The following LMNTD1 variants were observed in gnomAD, a reference collection of about 807,000 sequenced individuals.
LMNTD1 encodes the protein lamin tail domain containing 1, also known as lamin tail domain-containing protein 1.
A neutral mutation model predicts 50.9 loss-of-function variants in LMNTD1; 35 were observed. The observed-to-expected ratio is 0.69, with a 90% confidence interval of 0.53 to 0.91. The LOEUF is 0.91. LMNTD1 is among the 40% of genes least tolerant of loss of function. The pLI is 0.00. For synonymous variants in LMNTD1, 153 were observed against 161.9 expected (o/e 0.94, Z 0.42); for missense variants, 470 against 475.5 (o/e 0.99, Z 0.11).
At chr12:25,610,724 G>A (rs1946222301) in intron 1 of LMNTD1, among the ~76,000 whole-genome samples, 1 of 152,134 alleles carries the variant, frequency 6.6e-6, no homozygotes. Context: ...CATGGGGCTT[G>A]GCATCTCACT....
chr12:25,564,416 G>A (rs548403398), intron 1 of LMNTD1, among the ~76,000 whole-genome samples: 4 of 152,126 alleles, frequency 2.6e-5, no homozygotes, highest in East Asian at 1.9e-4. Flanking sequence ...CCACCACCAC[G>A]CCTGACTAAT....
At chr12:25,625,175 T>C (rs1341046742) in intron 1 of LMNTD1, among the ~76,000 whole-genome samples, 1 of 152,198 alleles carries the variant, frequency 6.6e-6, no homozygotes, top group Non-Finnish European at 1.5e-5. Flanking sequence ...AAAGTGACCA[T>C]GATGAACTTT....
intron 1 of LMNTD1, among the ~76,000 whole-genome samples, chr12:25,613,932 A>G (rs1946298037): frequency 6.6e-6 from 1 of 152,048 alleles, no homozygotes; most frequent in Non-Finnish European, 1.5e-5. Flanking sequence ...AGGGGCAACT[A>G]AGGGAGAAGA....
At chr12:25,565,866 T>C (rs747147867) in intron 1 of LMNTD1, among the ~76,000 whole-genome samples, 1 of 152,210 alleles carries the variant, frequency 6.6e-6, no homozygotes, top group Non-Finnish European at 1.5e-5. Context: ...TATACTATTC[T>C]AGTGTAAACG....
At chr12:25,539,262 A>G (rs1306691259) in intron 4 of LMNTD1, among the ~76,000 whole-genome samples, 1 of 150,984 alleles carries the variant, frequency 6.6e-6, no homozygotes, top group African/African-American at 2.4e-5. Flanking sequence ...CCAAATCAAC[A>G]GAATATACAT....
Position 25,614,132 on chromosome 12 carries a change from G to A in LMNTD1, c.58+34362C>T, listed in dbSNP as rs139177407. ...GGTTTATCAAGACAAGTCATCAGTC[G>A]CCAGTGGGAGTAGGGAGACTGACTG... On this transcript the variant is annotated intron_variant, in intron 1 of 7. Transcript: ENST00000445693. Among the ~76,000 whole-genome samples, 775 of 152,136 alleles carry A rather than the reference G, an allele frequency of 5.1e-3. 2 individuals are homozygous for A. The highest frequency in any genetic ancestry group is 6.9e-3 in the Non-Finnish European group (468 of 67,988).
At chr12:25,547,687 C>T (rs1943515209) in intron 3 of LMNTD1, among the ~76,000 whole-genome samples, 1 of 151,770 alleles carries the variant, frequency 6.6e-6, no homozygotes, top group East Asian at 1.9e-4. Context: ...CAAGTACTTC[C>T]TTAATCCTTA....
intron 1 of LMNTD1, among the ~76,000 whole-genome samples, chr12:25,627,739 A>G (rs1946622571): frequency 1.3e-5 from 2 of 152,206 alleles, no homozygotes; most frequent in East Asian, 3.8e-4. Context: ...ACTACATTTT[A>G]TTGCACATAT....
intron 1 of LMNTD1, among the ~76,000 whole-genome samples, chr12:25,621,183 C>T (rs556201562): frequency 5.9e-5 from 9 of 152,098 alleles, no homozygotes; most frequent in Non-Finnish European, 2.9e-5. Flanking sequence ...AACTAATAAC[C>T]GCATCTATTA....
intron 1 of LMNTD1, among the ~76,000 whole-genome samples, chr12:25,595,882 C>T (rs1945834123): frequency 6.6e-6 from 1 of 151,844 alleles, no homozygotes; most frequent in Non-Finnish European, 1.5e-5. Flanking sequence ...TCCAAATAAG[C>T]TCAATTAGAG....
intron 1 of LMNTD1, among the ~76,000 whole-genome samples, chr12:25,586,369 C>G (rs1309425227): frequency 6.6e-6 from 1 of 152,128 alleles, no homozygotes; most frequent in African/African-American, 2.4e-5. Context: ...TCCATTCTCA[C>G]CAACACTACC....
intron 9 of LMNTD1, among the ~76,000 whole-genome samples, chr12:25,480,703 TC>T (rs2135904095): frequency 6.6e-6 from 1 of 152,378 alleles, no homozygotes; most frequent in South Asian, 2.1e-4. Context: ...CAGCACCTTA[TC>T]TGCTTCTAAC....
intron 6 of LMNTD1, among the ~76,000 whole-genome samples, chr12:25,520,417 TTC>T (rs1298802446): frequency 3.3e-5 from 5 of 152,106 alleles, no homozygotes; most frequent in Admixed American, 6.5e-5. Flanking sequence ...ACCAGTTTTA[TTC>T]TCTTTCTCTG....
At chr12:25,553,540 TTTC>T (rs574725718), upstream of LMNTD1, among the ~76,000 whole-genome samples, 12 of 151,860 alleles carry the variant, frequency 7.9e-5, no homozygotes, top group South Asian at 2.5e-3. Context: ...TCACAACTCT[TTTC>T]TTCTTTTTTT....
chr12:25,561,255 T>C lies in LMNTD1; in HGVS notation c.59-14701A>G, dbSNP rs189035552. ...ATGTTAGGGTGTCAATTTTAGGTCT[T>C]TCCTGCTTTCTCTTGTGGGCATTTA... On this transcript the variant is annotated intron_variant, in intron 1 of 7. Coordinates refer to the LMNTD1 transcript ENST00000445693. Among the ~76,000 whole-genome samples, 295 of 152,376 alleles carry C rather than the reference T, an allele frequency of 1.9e-3. 1 individual carries two copies. Among genetic ancestry groups the C allele is most frequent in the African/African-American group, 6.9e-3 (289 of 41,590 alleles).
chr12:25,548,320 C>G (rs1943556650), intron 3 of LMNTD1, among the ~76,000 whole-genome samples: 1 of 151,732 alleles, frequency 6.6e-6, no homozygotes, highest in Non-Finnish European at 1.5e-5. Context: ...TGTAAATGGG[C>G]ACAGAATGTT....
At chr12:25,571,780 G>A (rs1038825067) in intron 1 of LMNTD1, among the ~76,000 whole-genome samples, 6 of 151,966 alleles carry the variant, frequency 3.9e-5, no homozygotes, top group South Asian at 2.1e-4. Flanking sequence ...AGCAATTCTC[G>A]TGCCTCAGTT....
chr12:25,620,843 C>G (rs1565523488), intron 1 of LMNTD1, among the ~76,000 whole-genome samples: 1 of 152,170 alleles, frequency 6.6e-6, no homozygotes, highest in Non-Finnish European at 1.5e-5. Context: ...TGCCACATGT[C>G]AAGTGCTTTA....
chr12:25,601,785 AATTT>A (rs1171488232), intron 1 of LMNTD1, among the ~76,000 whole-genome samples: 2 of 151,314 alleles, frequency 1.3e-5, no homozygotes, highest in Non-Finnish European at 3.0e-5. Flanking sequence ...CTTATTTATT[AATTT>A]ATTTACTTTT....
Sources: allele counts gnomAD v4.1 joint callset (sites outside exome capture counted in the v4.1 genomes callset), GRCh38; gene constraint gnomAD v4.1.1; transcripts MANE v1.5; gene names NCBI Gene and HGNC (gene_info 2026-07-23, HGNC 2026-07-21).